The following GLIS1 variants were observed in gnomAD, a reference collection of about 807,000 sequenced individuals.
GLIS1 encodes the protein GLIS family zinc finger 1, also known as zinc finger protein GLIS1.
A neutral mutation model predicts 63.8 loss-of-function variants in GLIS1; 24 were observed. That is an observed-to-expected ratio of 0.38 (90% CI 0.27 to 0.53). GLIS1 has a LOEUF of 0.53. GLIS1 is among the 20% of genes least tolerant of loss of function. The pLI is 0.85. For missense variants in GLIS1, 1,036 were observed against 1,074.1 expected, an observed-to-expected ratio of 0.96 and a Z score of 0.50; for synonymous variants, 450 against 482.5, an observed-to-expected ratio of 0.93 and a Z score of 0.88.
At chr1:53,684,337 C>A (rs1646307706) in intron 2 of GLIS1, among the ~76,000 whole-genome samples, 1 of 152,116 alleles carries the variant, frequency 6.6e-6, no homozygotes, top group South Asian at 2.1e-4. Flanking sequence ...CAAATTCAGC[C>A]GATTTTCCTA....
rs185205709 is a variant in GLIS1, at chr1:53,539,918, C to T, written c.1321-9966G>A. ...TCTCTAGCCCAATGTCTACTTCCCTCCCCACGCTGCAGCCACAGGCCACAC... is the reference window on the plus strand; with the variant it reads ...TCTCTAGCCCAATGTCTACTTCCCTTCCCACGCTGCAGCCACAGGCCACAC... On this transcript the variant is annotated intron_variant, in intron 4 of 10. Transcript: ENST00000628545. The surrounding 1 kb of genome is among the most constrained non-coding windows in gnomAD (Gnocchi z 5.0). Among the ~76,000 whole-genome samples the T allele has an allele frequency of 6.6e-6, 1 of 152,174 alleles. No homozygotes were observed. Among genetic ancestry groups the T allele is most frequent in the Non-Finnish European group, 1.5e-5 (1 of 68,032 alleles).
At chr1:53,676,611 CCCCCAG>C (rs2100413702) in intron 2 of GLIS1, among the ~76,000 whole-genome samples, 1 of 152,284 alleles carries the variant, frequency 6.6e-6, no homozygotes, top group East Asian at 1.9e-4. Flanking sequence ...CCCGCACGCA[CCCCCAG>C]CCCCAGCCCT....
chr1:53,536,695 G>A (rs1644584518), intron 4 of GLIS1, among the ~76,000 whole-genome samples: 1 of 152,056 alleles, frequency 6.6e-6, no homozygotes, highest in Non-Finnish European at 1.5e-5. Flanking sequence ...CCTACCTAAA[G>A]CACCAAAAGA....
rs376418951 is a variant in GLIS1, at chr1:53,537,306, T to C, written c.1321-7354A>G. Among the ~76,000 whole-genome samples, 3 of 152,208 alleles carry C rather than the reference T, an allele frequency of 2.0e-5. No individual in the cohort carries two copies. In the South Asian group the frequency reaches 6.2e-4, roughly 31 times the overall value. ...ACACTCAGAGCCTTTTATGCATCTGTGGACGGGCTAAGAGCATGCAGGGGA... is the reference window on the plus strand; with the variant it reads ...ACACTCAGAGCCTTTTATGCATCTGCGGACGGGCTAAGAGCATGCAGGGGA... On this transcript the variant is annotated intron_variant, in intron 4 of 10. Coordinates refer to ENST00000628545, the MANE Select transcript of GLIS1 (RefSeq NM_001367484.1).
intron 2 of GLIS1, among the ~76,000 whole-genome samples, chr1:53,671,597 T>C (rs1483026182): frequency 6.6e-6 from 1 of 152,200 alleles, no homozygotes; most frequent in East Asian, 1.9e-4. Flanking sequence ...AGAACGGTCT[T>C]TGAAAGTAGT....
At chr1:53,546,047 G>A (rs1644695162) in intron 4 of GLIS1, among the ~76,000 whole-genome samples, 1 of 152,250 alleles carries the variant, frequency 6.6e-6, no homozygotes, top group Non-Finnish European at 1.5e-5. Flanking sequence ...GAAGGGCAGG[G>A]GATACAGCTC....
intron 2 of GLIS1, among the ~76,000 whole-genome samples, chr1:53,627,089 G>A (rs1055055448): frequency 1.3e-5 from 2 of 152,210 alleles, no homozygotes; most frequent in African/African-American, 2.4e-5. Flanking sequence ...CACAACCACA[G>A]CCACACTGAG....
chr1:53,565,139 A>G (rs1434626734), intron 4 of GLIS1, among the ~76,000 whole-genome samples: 1 of 152,100 alleles, frequency 6.6e-6, no homozygotes, highest in African/African-American at 2.4e-5. Context: ...CACTGCATCA[A>G]TCAAAACATT....
At chr1:53,578,324 C>T (rs1201712638) in intron 4 of GLIS1, among the ~76,000 whole-genome samples, 1 of 152,240 alleles carries the variant, frequency 6.6e-6, no homozygotes, top group Non-Finnish European at 1.5e-5. Context: ...AACAGCACCA[C>T]ACAGACTAGG....
chr1:53,584,350 G>A (rs1211472504), intron 4 of GLIS1, among the ~76,000 whole-genome samples: 1 of 152,112 alleles, frequency 6.6e-6, no homozygotes, highest in Admixed American at 6.5e-5. Flanking sequence ...TCCCCACAAG[G>A]TCAAGACTAT....
chr1:53,611,233 A>G (rs1410705907), intron 2 of GLIS1, among the ~76,000 whole-genome samples: 1 of 152,146 alleles, frequency 6.6e-6, no homozygotes, highest in Non-Finnish European at 1.5e-5. Context: ...TATAGGCAAC[A>G]CACGCACTAT....
Position 53,506,524 on chromosome 1 carries a change from GGCACTCCT to G in GLIS1, c.*87_*94del. 1 of 1,320,084 alleles carries G rather than the reference GGCACTCCT, an allele frequency of 7.6e-7. No homozygotes were observed. Among genetic ancestry groups the G allele is most frequent in the East Asian group, 2.3e-5 (1 of 42,922 alleles). The allele number at this position is 1,320,084 out of a possible 1,614,324, so 81.8% of individuals were successfully genotyped here. A position where few individuals can be genotyped will look rare whatever the true frequency, so the allele number is the denominator to read the frequency against. On this transcript the variant is annotated 3_prime_UTR_variant, in exon 11 of 11. Coordinates refer to ENST00000628545, the MANE Select transcript of GLIS1 (RefSeq NM_001367484.1). ...GGCCTGGCTGTTCCGGCTGTGGCCT[GGCACTCCT>G]GCTAGGTGCACGGAGGGTGGGAGCG...
In GLIS1 at chr1:53,600,109, G is replaced by T; in HGVS notation, c.429C>A (p.His143Gln). Residue 143 changes from histidine (H) to glutamine (Q), a missense_variant, in exon 3 of 11, where the codon CAC becomes CAA. His to Gln is a conservative substitution (Grantham distance 24). Coordinates refer to ENST00000628545, the MANE Select transcript of GLIS1 (RefSeq NM_001367484.1). ...CAGCTGCCCACACCTACCTGTCAGG[G>T]TGGGGGAAATGCAGCAGCCTCTCAC... ...QACERLLHFP[H>Q]PDRSPRPQAT... The T allele has an allele frequency of 8.1e-7, 1 of 1,230,296 alleles. No individual in the cohort carries two copies. The highest frequency in any genetic ancestry group is 1.0e-6 in the Non-Finnish European group (1 of 986,230). The allele number at this position is 1,230,296 out of a possible 1,614,324, so 76.2% of individuals were successfully genotyped here.
At chr1:53,682,695 G>A (rs1399761910) in intron 2 of GLIS1, among the ~76,000 whole-genome samples, 1 of 152,236 alleles carries the variant, frequency 6.6e-6, no homozygotes, top group East Asian at 1.9e-4. Context: ...GTTAATCTAG[G>A]AGGAGCTGCC....
chr1:53,640,046 T>G (rs1386414403), intron 2 of GLIS1, among the ~76,000 whole-genome samples: 1 of 152,198 alleles, frequency 6.6e-6, no homozygotes, highest in Non-Finnish European at 1.5e-5. Flanking sequence ...ATTCATTAAG[T>G]TGTCACTATT....
At chr1:53,696,612 C>T (rs1261283269) in intron 2 of GLIS1, among the ~76,000 whole-genome samples, 2 of 151,942 alleles carry the variant, frequency 1.3e-5, no homozygotes, top group African/African-American at 4.8e-5. Context: ...CCACCCTCAC[C>T]CCACCCGGCC....
At chr1:53,600,765 C>T (rs1645309031) in intron 2 of GLIS1, among the ~76,000 whole-genome samples, 1 of 152,212 alleles carries the variant, frequency 6.6e-6, no homozygotes, top group Admixed American at 6.5e-5. Flanking sequence ...TACGTGCTCA[C>T]TAAACAGCAT....
chr1:53,736,168 A>G (rs933352664), intron 2 of GLIS1, among the ~76,000 whole-genome samples: 2 of 152,218 alleles, frequency 1.3e-5, no homozygotes, highest in Admixed American at 1.3e-4. Flanking sequence ...ACAAAGAAAG[A>G]GGCTCTTCCT....
At chr1:53,635,593 A>G (rs1000615783) in intron 2 of GLIS1, among the ~76,000 whole-genome samples, 2 of 152,136 alleles carry the variant, frequency 1.3e-5, no homozygotes, top group South Asian at 2.1e-4. Flanking sequence ...TATAAAGGCA[A>G]AAGTCAGCAA....
Sources: allele counts gnomAD v4.1 joint callset (sites outside exome capture counted in the v4.1 genomes callset), GRCh38; gene constraint gnomAD v4.1.1; non-coding constraint Gnocchi (gnomAD v3.1); transcripts MANE v1.5; gene names NCBI Gene and HGNC (gene_info 2026-07-23, HGNC 2026-07-21).